GABRB1: variants seen among roughly 807,000 people sequenced by gnomAD.
GABRB1 encodes the protein gamma-aminobutyric acid type A receptor subunit beta1.
GABRB1 carries 17 observed loss-of-function variants against 51.6 expected under a neutral mutation model. The ratio of observed to expected loss-of-function variants is 0.33; its 90% confidence interval spans 0.23 to 0.49. The LOEUF (loss-of-function observed/expected upper bound fraction) is 0.49. Among genes scored for constraint, GABRB1 ranks in the 20% least tolerant of loss-of-function variants. The probability of loss-of-function intolerance (pLI) is 0.99; values close to 1 mark genes in which losing one functional copy is unlikely to be tolerated. For missense variants in GABRB1, 410 were observed against 600.6 expected (o/e 0.68, Z 3.32); for synonymous variants, 247 against 218.9 (o/e 1.13, Z -1.14).
At chr4:47,273,870 C>T (rs1185366786) in intron 4 of GABRB1, among the ~76,000 whole-genome samples, 1 of 148,670 alleles carries the variant, frequency 6.7e-6, no homozygotes, top group Non-Finnish European at 1.5e-5. Flanking sequence ...TACATACACA[C>T]ACACACACAC....
chr4:47,380,487 C>T (rs1177545666), intron 5 of GABRB1, among the ~76,000 whole-genome samples: 1 of 152,170 alleles, frequency 6.6e-6, no homozygotes, highest in African/African-American at 2.4e-5. Context: ...TCTTCATGCT[C>T]AGAGTCCTTT....
chr4:47,422,045 A>G (rs984647544), intron 8 of GABRB1, among the ~76,000 whole-genome samples: 3 of 152,106 alleles, frequency 2.0e-5, no homozygotes, highest in East Asian at 1.9e-4. Flanking sequence ...TTTCAATTAT[A>G]GACATACAGT....
Position 47,105,130 on chromosome 4 carries a change from T to C in GABRB1, c.241-56119T>C, listed in dbSNP as rs540912679. On this transcript the variant is annotated intron_variant, in intron 3 of 8. Coordinates refer to ENST00000295454, the MANE Select transcript of GABRB1 (RefSeq NM_000812.4). ...ATGGACAATTGAGTCAATCTGAGTT[T>C]AGATTTTGCTGTTGCTATGAGTAGC... is the stretch of plus-strand genomic sequence containing the variant. Among the ~76,000 whole-genome samples, 15 of 152,230 alleles carry C rather than the reference T, an allele frequency of 9.9e-5. 1 individual carries two copies. In the South Asian group the frequency reaches 2.7e-3, roughly 27 times the overall value.
intron 3 of GABRB1, among the ~76,000 whole-genome samples, chr4:47,097,014 A>C (rs1405331888): frequency 6.6e-6 from 1 of 152,180 alleles, no homozygotes. Context: ...GAAAACTACC[A>C]CAGTTGGGTC....
chr4:47,296,785 C>T (rs1029391790), intron 4 of GABRB1, among the ~76,000 whole-genome samples: 1 of 152,152 alleles, frequency 6.6e-6, no homozygotes, highest in African/African-American at 2.4e-5. Context: ...AAATTCTCCA[C>T]CCCAAATCAA....
chr4:47,225,149 C>A (rs1438618877), intron 4 of GABRB1, among the ~76,000 whole-genome samples: 1 of 152,068 alleles, frequency 6.6e-6, no homozygotes, highest in East Asian at 1.9e-4. Flanking sequence ...CACACTTTGG[C>A]CTCCCAAAGT....
intron 4 of GABRB1, among the ~76,000 whole-genome samples, chr4:47,283,303 G>A (rs1432821795): frequency 6.9e-6 from 1 of 144,862 alleles, no homozygotes; most frequent in African/African-American, 2.5e-5. Flanking sequence ...AGGGAAAGAG[G>A]ATTCGTTCTT....
chr4:47,339,937 T>C (rs1725825569), intron 5 of GABRB1, among the ~76,000 whole-genome samples: 1 of 151,978 alleles, frequency 6.6e-6, no homozygotes, highest in African/African-American at 2.4e-5. Flanking sequence ...CACTAAGTAA[T>C]AAGTGACTAA....
intron 3 of GABRB1, among the ~76,000 whole-genome samples, chr4:47,039,134 TG>T (rs1211193880): frequency 2.6e-5 from 4 of 151,946 alleles, no homozygotes; most frequent in African/African-American, 9.7e-5. Context: ...TAAAAAAGGC[TG>T]GCCACAAGAA....
At chr4:47,353,058 A>G (rs1028393649) in intron 5 of GABRB1, among the ~76,000 whole-genome samples, 2 of 152,200 alleles carry the variant, frequency 1.3e-5, no homozygotes, top group Non-Finnish European at 2.9e-5. Flanking sequence ...GATGGCAGCA[A>G]GAGAAAATAA....
chr4:47,216,484 A>G (rs980117589), intron 4 of GABRB1, among the ~76,000 whole-genome samples: 10 of 151,932 alleles, frequency 6.6e-5, no homozygotes, highest in African/African-American at 2.2e-4. Flanking sequence ...AACCCCATTT[A>G]GCATCAGGGC....
chr4:47,284,494 T>C (rs1017380735), intron 4 of GABRB1, among the ~76,000 whole-genome samples: 3 of 152,240 alleles, frequency 2.0e-5, no homozygotes, highest in African/African-American at 4.8e-5. Flanking sequence ...CACTCTACTA[T>C]GTAGACAAGA....
chr4:47,096,724 A>T (rs751678464), intron 3 of GABRB1, among the ~76,000 whole-genome samples: 9 of 152,168 alleles, frequency 5.9e-5, no homozygotes, highest in Non-Finnish European at 1.2e-4. Context: ...GTCAGGGAAT[A>T]TGTGACAATG....
At chr4:47,297,394 C>A (rs1724046690) in intron 4 of GABRB1, among the ~76,000 whole-genome samples, 1 of 97,828 alleles carries the variant, frequency 1.0e-5, no homozygotes, top group East Asian at 3.8e-4. Flanking sequence ...AGAGAAGAAT[C>A]AAATAGACAC....
chr4:47,041,662 T>G (rs928742217), intron 3 of GABRB1, among the ~76,000 whole-genome samples: 35 of 152,082 alleles, frequency 2.3e-4, no homozygotes, highest in Middle Eastern at 3.2e-3. Flanking sequence ...CTCTGCCTAC[T>G]CTAGCCCTCC....
chr4:47,417,331 G>T (rs1560377299), intron 8 of GABRB1, among the ~76,000 whole-genome samples: 1 of 151,420 alleles, frequency 6.6e-6, no homozygotes, highest in Non-Finnish European at 1.5e-5. Context: ...TTAGATTTAT[G>T]TACATTTGCA....
chr4:47,384,127 C>A (rs1727691855), intron 5 of GABRB1, among the ~76,000 whole-genome samples: 2 of 151,934 alleles, frequency 1.3e-5, no homozygotes, highest in South Asian at 4.1e-4. Context: ...TAAATGATTA[C>A]ATATTCACCA....
At chr4:47,408,385 A>G (rs2110056694) in intron 8 of GABRB1, among the ~76,000 whole-genome samples, 1 of 152,356 alleles carries the variant, frequency 6.6e-6, no homozygotes, top group African/African-American at 2.4e-5. Flanking sequence ...GTGGCTGGAT[A>G]CTTAGGCCAA....
In GABRB1 at chr4:47,406,906, C is replaced by G; in HGVS notation, c.1060C>G (p.Leu354Val). 2 of 1,613,908 alleles carry G rather than the reference C, an allele frequency of 1.2e-6. No homozygotes were observed. The highest frequency in any genetic ancestry group is 1.7e-6 in the Non-Finnish European group (2 of 1,179,936). Residue 354 changes from leucine (L) to valine (V), a missense_variant, in exon 8 of 9, where the codon CTG becomes GTG. Physicochemically the swap from Leu to Val is conservative, Grantham distance 32. Around this residue, in one of 5 missense-constraint regions of GABRB1, gnomAD observed 181 missense variants for 195.6 expected, o/e 0.93. Coordinates refer to ENST00000295454, the MANE Select transcript of GABRB1 (RefSeq NM_000812.4). Reference sequence around the variant, plus strand: ...CCAGAGTGCCAATGAGAAGAATAAACTGGAGATGAATAAAGTCCAGGTAAG... The same window carrying G: ...CCAGAGTGCCAATGAGAAGAATAAAGTGGAGATGAATAAAGTCCAGGTAAG... ...QDQSANEKNKLEMNKVQVDAH... is the reference protein window; with the variant it reads ...QDQSANEKNKVEMNKVQVDAH...
Sources: allele counts gnomAD v4.1 joint callset (sites outside exome capture counted in the v4.1 genomes callset), GRCh38; gene constraint gnomAD v4.1.1; regional missense constraint gnomAD v4.1.1; transcripts MANE v1.5; gene names NCBI Gene and HGNC (gene_info 2026-07-23, HGNC 2026-07-21).